TNFAIP8: variants seen among roughly 807,000 people sequenced by gnomAD.
TNFAIP8 encodes TNF alpha induced protein 8, also known as tumor necrosis factor alpha-induced protein 8.
Under a neutral mutation model 13.3 loss-of-function variants are expected in TNFAIP8, and 7 were observed. The observed-to-expected ratio is 0.52, with a 90% CI of 0.30 to 0.99. TNFAIP8 has a LOEUF of 0.99. Among genes scored for constraint, TNFAIP8 ranks in the 50% least tolerant of loss-of-function variants. The probability of loss-of-function intolerance (pLI) is 0.07; values close to 1 mark genes in which losing one functional copy is unlikely to be tolerated. For missense variants in TNFAIP8, 258 were observed against 236.9 expected, an observed-to-expected ratio of 1.09 and a Z score of -0.58; for synonymous variants, 94 against 87.6, an observed-to-expected ratio of 1.07 and a Z score of -0.41.
chr5:119,299,520 G>A (rs867377884), intron 1 of TNFAIP8, among the ~76,000 whole-genome samples: 1 of 152,200 alleles, frequency 6.6e-6, no homozygotes, highest in African/African-American at 2.4e-5. Context: ...TGCCTCTACT[G>A]GGGGGTGCCT....
chr5:119,358,283 G>C (rs1044330162), intron 1 of TNFAIP8, among the ~76,000 whole-genome samples: 1 of 152,060 alleles, frequency 6.6e-6, no homozygotes, highest in African/African-American at 2.4e-5. Flanking sequence ...TATACTTTGG[G>C]GTTGAATCTA....
At chr5:119,291,544 A>G (rs1448388440) in intron 1 of TNFAIP8, among the ~76,000 whole-genome samples, 1 of 152,214 alleles carries the variant, frequency 6.6e-6, no homozygotes, top group Non-Finnish European at 1.5e-5. Context: ...AGCTTCAAAG[A>G]GTGTTCTTAT....
intron 1 of TNFAIP8, among the ~76,000 whole-genome samples, chr5:119,329,961 G>T (rs1032646059): frequency 2.6e-5 from 4 of 152,116 alleles, no homozygotes; most frequent in Non-Finnish European, 5.9e-5. Context: ...CTCAGTCCCT[G>T]AGTCTCCTGG....
At chr5:119,355,902 C>G (rs1447354476), upstream of TNFAIP8, 2 of 1,284,436 alleles carry the variant, frequency 1.6e-6, no homozygotes, top group Non-Finnish European at 1.0e-6. Context: ...CGATTCGTCA[C>G]TCTTGCAGAA....
chr5:119,293,468 A>C (rs1246618615), intron 1 of TNFAIP8, among the ~76,000 whole-genome samples: 4 of 152,118 alleles, frequency 2.6e-5, no homozygotes, highest in Non-Finnish European at 4.4e-5. Flanking sequence ...TGCCTGGCTT[A>C]TTTCACTTAA....
chr5:119,287,016 C>A (rs1219534278), intron 1 of TNFAIP8, among the ~76,000 whole-genome samples: 1 of 152,152 alleles, frequency 6.6e-6, no homozygotes, highest in African/African-American at 2.4e-5. Flanking sequence ...GCATCCCTTC[C>A]TTTGCCTGGT....
intron 1 of TNFAIP8, among the ~76,000 whole-genome samples, chr5:119,331,234 CT>C (rs59808410): frequency 0.081 from 11,344 of 140,830 alleles, 1,091 homozygotes; most frequent in African/African-American, 0.24. Flanking sequence ...GAGATATTAG[CT>C]TTTTTTTTTT....
intron 1 of TNFAIP8, among the ~76,000 whole-genome samples, chr5:119,363,790 T>C (rs1044169623): frequency 1.3e-5 from 2 of 152,174 alleles, no homozygotes; most frequent in South Asian, 2.1e-4. Context: ...GGTTAAGGGC[T>C]CAGTCCCACA....
chr5:119,290,902 G>A (rs1453948413), intron 1 of TNFAIP8, among the ~76,000 whole-genome samples: 1 of 152,138 alleles, frequency 6.6e-6, no homozygotes, highest in African/African-American at 2.4e-5. Context: ...GTAAAGCCTG[G>A]TCAGGTAGGA....
intron 1 of TNFAIP8, among the ~76,000 whole-genome samples, chr5:119,331,597 C>G (rs886845283): frequency 1.3e-5 from 2 of 152,200 alleles, no homozygotes; most frequent in African/African-American, 4.8e-5. Flanking sequence ...GTCCTCTGCC[C>G]TTGCCTGGTG....
intron 1 of TNFAIP8, among the ~76,000 whole-genome samples, chr5:119,317,901 C>T (rs1749946860): frequency 1.3e-5 from 2 of 152,124 alleles, no homozygotes; most frequent in African/African-American, 4.8e-5. Flanking sequence ...CCAGCCCTAC[C>T]TTATATAGTT....
chr5:119,390,180 C>T lies in TNFAIP8; in HGVS notation c.32-2636C>T, dbSNP rs974334476. On this transcript the variant is annotated intron_variant, in intron 1 of 1. Coordinates refer to ENST00000504771, the MANE Select transcript of TNFAIP8 (RefSeq NM_014350.4). ...AAATCCCAGGTAAGATATTTGTAGA[C>T]TGTGCCATGTTCTAAAACATTAAAA... 3.9e-5 allele frequency among the ~76,000 whole-genome samples: 6 copies of T among 152,016 alleles called. No homozygotes were observed. In the South Asian group the frequency reaches 6.2e-4, roughly 16 times the overall value.
At chr5:119,376,566 C>G (rs555191884) in intron 1 of TNFAIP8, among the ~76,000 whole-genome samples, 2 of 150,380 alleles carry the variant, frequency 1.3e-5, no homozygotes, top group Non-Finnish European at 2.9e-5. Flanking sequence ...CTTCCCACCC[C>G]CCCCGTCTTT....
intron 1 of TNFAIP8, among the ~76,000 whole-genome samples, chr5:119,309,280 G>C (rs1236180658): frequency 2.0e-5 from 3 of 152,172 alleles, no homozygotes; most frequent in Non-Finnish European, 4.4e-5. Context: ...CTGCATCTCT[G>C]AATGGACACC....
chr5:119,369,889 G>A (rs955982541), intron 1 of TNFAIP8, among the ~76,000 whole-genome samples: 1 of 152,190 alleles, frequency 6.6e-6, no homozygotes, highest in Non-Finnish European at 1.5e-5. Context: ...CCATGGGAGG[G>A]ACTTAACCAG....
At chr5:119,284,595 C>A (rs146297539) in intron 1 of TNFAIP8, among the ~76,000 whole-genome samples, 2 of 151,866 alleles carry the variant, frequency 1.3e-5, no homozygotes, top group Non-Finnish European at 2.9e-5. Context: ...GCAGGAGAAT[C>A]GCTTGAACCC....
chr5:119,362,525 A>G (rs187310938), intron 1 of TNFAIP8, among the ~76,000 whole-genome samples: 2 of 152,252 alleles, frequency 1.3e-5, no homozygotes, highest in Admixed American at 6.5e-5. Flanking sequence ...GCTAGGCACA[A>G]TGGCTCACAC....
chr5:119,285,863 T>C (rs1427273966), intron 1 of TNFAIP8, among the ~76,000 whole-genome samples: 1 of 150,354 alleles, frequency 6.7e-6, no homozygotes, highest in Admixed American at 6.6e-5. Flanking sequence ...TTGGTCTCTA[T>C]GCACTGATAT....
intron 1 of TNFAIP8, among the ~76,000 whole-genome samples, chr5:119,339,031 G>A (rs1750649375): frequency 6.7e-6 from 1 of 150,118 alleles, no homozygotes. Context: ...TGGAAATAGA[G>A]CAAGACTTTG....
Sources: allele counts gnomAD v4.1 joint callset (sites outside exome capture counted in the v4.1 genomes callset), GRCh38; gene constraint gnomAD v4.1.1; transcripts MANE v1.5; gene names NCBI Gene and HGNC (gene_info 2026-07-23, HGNC 2026-07-21).